The following ZMAT4 variants were observed in gnomAD, a reference collection of about 807,000 sequenced individuals.
The protein encoded by ZMAT4 is zinc finger matrin-type 4.
In ZMAT4, 17 loss-of-function variants were observed where a neutral mutation model predicts 28.7. That is an observed-to-expected ratio of 0.59 (90% CI 0.41 to 0.89). The LOEUF (loss-of-function observed/expected upper bound fraction) is 0.89. Ranked by LOEUF, ZMAT4 falls within the 40% of genes least tolerant of loss-of-function variation. The pLI is 0.00. For synonymous variants in ZMAT4, 117 were observed against 109.2 expected (o/e 1.07, Z -0.44); for missense variants, 240 against 283.8 (o/e 0.85, Z 1.11).
At chr8:40,833,930 T>C (rs1816383778) in intron 1 of ZMAT4, among the ~76,000 whole-genome samples, 1 of 152,196 alleles carries the variant, frequency 6.6e-6, no homozygotes, top group Non-Finnish European at 1.5e-5. Flanking sequence ...AGCTCTGCTT[T>C]CCAGCCTGAG....
intron 2 of ZMAT4, among the ~76,000 whole-genome samples, chr8:40,784,134 T>C: frequency 6.6e-6 from 1 of 152,230 alleles, no homozygotes; most frequent in Non-Finnish European, 1.5e-5. Flanking sequence ...GATCATTTTA[T>C]GAGGTTGATA....
chr8:40,653,836 A>G (rs76632208), intron 5 of ZMAT4, among the ~76,000 whole-genome samples: 9,232 of 152,250 alleles, frequency 0.061, 705 homozygotes, highest in East Asian at 0.44. Flanking sequence ...TACTATTTTA[A>G]GAAAAGTTAA....
intron 3 of ZMAT4, among the ~76,000 whole-genome samples, chr8:40,744,769 T>A (rs1388310703): frequency 2.0e-5 from 3 of 152,212 alleles, no homozygotes; most frequent in Non-Finnish European, 4.4e-5. Flanking sequence ...TTTTAGCTGG[T>A]CTCTTCTCTT....
chr8:40,630,995 A>G (rs1169947825), intron 5 of ZMAT4, among the ~76,000 whole-genome samples: 1 of 151,556 alleles, frequency 6.6e-6, no homozygotes, highest in African/African-American at 2.4e-5. Flanking sequence ...TTTTCATGGC[A>G]AGTGTTGAAA....
chr8:40,850,086 AC>A (rs1255771925), intron 1 of ZMAT4, among the ~76,000 whole-genome samples: 1 of 151,934 alleles, frequency 6.6e-6, no homozygotes, highest in Non-Finnish European at 1.5e-5. Context: ...CAGGCAGCAC[AC>A]CCAAGTCCTA....
intron 3 of ZMAT4, among the ~76,000 whole-genome samples, chr8:40,711,523 G>A (rs1010543816): frequency 1.3e-5 from 2 of 152,134 alleles, no homozygotes; most frequent in Non-Finnish European, 2.9e-5. Flanking sequence ...AAAGGACAGA[G>A]GAAAGTGTTG....
intron 5 of ZMAT4, among the ~76,000 whole-genome samples, chr8:40,586,430 A>G (rs565042783): frequency 3.7e-4 from 56 of 152,338 alleles, no homozygotes; most frequent in African/African-American, 1.3e-3. Flanking sequence ...CCAGTTGGAG[A>G]CAGAAAACAG....
chr8:40,740,601 T>C (rs1448976132), intron 3 of ZMAT4, among the ~76,000 whole-genome samples: 1 of 152,262 alleles, frequency 6.6e-6, no homozygotes, highest in African/African-American at 2.4e-5. Context: ...CAGAAACTGC[T>C]AGCATTACTG....
chr8:40,785,161 T>C (rs1586047175), intron 2 of ZMAT4, among the ~76,000 whole-genome samples: 1 of 152,234 alleles, frequency 6.6e-6, no homozygotes, highest in African/African-American at 2.4e-5. Context: ...ACTATGTATA[T>C]GTAAACAGAC....
intron 1 of ZMAT4, among the ~76,000 whole-genome samples, chr8:40,891,272 A>AGGGGGAAG (rs1818673754): frequency 1.0e-5 from 1 of 98,016 alleles, no homozygotes; most frequent in Non-Finnish European, 2.1e-5. Flanking sequence ...GGGAGGGGGA[A>AGGGGGAAG]GGGGAAATTG....
chr8:40,801,349 A>ATATATATATATATATATATATAT (rs1334146524), intron 2 of ZMAT4, among the ~76,000 whole-genome samples: 21 of 48,750 alleles, frequency 4.3e-4, no homozygotes, highest in African/African-American at 1.3e-3. Context: ...TTTAAAAAAA[A>ATATATATATATATATATATATAT]AAATATATAT....
intron 5 of ZMAT4, among the ~76,000 whole-genome samples, chr8:40,612,167 G>A (rs1229042151): frequency 1.3e-5 from 2 of 152,134 alleles, no homozygotes; most frequent in Non-Finnish European, 2.9e-5. Flanking sequence ...ATGTACATAA[G>A]GTACCCAGCA....
intron 3 of ZMAT4, among the ~76,000 whole-genome samples, chr8:40,735,474 C>A (rs1811723926): frequency 6.6e-6 from 1 of 152,132 alleles, no homozygotes; most frequent in African/African-American, 2.4e-5. Flanking sequence ...GAAAAACATA[C>A]TTACTTAGAA....
At chr8:40,647,066 G>T (rs577306053) in intron 5 of ZMAT4, among the ~76,000 whole-genome samples, 1 of 152,182 alleles carries the variant, frequency 6.6e-6, no homozygotes, top group Non-Finnish European at 1.5e-5. Flanking sequence ...AGTCTGGGGG[G>T]AGGAGCCAAG....
intron 4 of ZMAT4, among the ~76,000 whole-genome samples, chr8:40,686,456 C>T (rs1006649161): frequency 6.6e-6 from 1 of 151,824 alleles, no homozygotes; most frequent in Non-Finnish European, 1.5e-5. Context: ...CAGAGTGAGA[C>T]CCCTGTCTCA....
At chr8:40,681,891 A>T (rs922566219) in intron 4 of ZMAT4, among the ~76,000 whole-genome samples, 4 of 152,136 alleles carry the variant, frequency 2.6e-5, no homozygotes, top group African/African-American at 9.7e-5. Context: ...TAAAAAAAAA[A>T]GATATGTTTT....
chr8:40,582,001 TGA>T (rs1804480551), intron 5 of ZMAT4, among the ~76,000 whole-genome samples: 1 of 152,182 alleles, frequency 6.6e-6, no homozygotes, highest in African/African-American at 2.4e-5. Context: ...GCCGCAGAGC[TGA>T]GACCCATAAT....
At position 40,767,701 on chromosome 8, in the gene ZMAT4, C is replaced by T. The variant is rs1402227925; in HGVS notation, c.132G>A (p.Leu44=). 2 of 1,612,850 alleles carry T rather than the reference C, an allele frequency of 1.2e-6. No individual in the cohort carries two copies. Among genetic ancestry groups the T allele is most frequent in the African/African-American group, 1.3e-5 (1 of 74,860 alleles). The change falls in exon 3 of 7, where the codon CTG becomes CTA. Residue 44 remains leucine (L), a synonymous_variant. Coordinates refer to ENST00000297737, the MANE Select transcript of ZMAT4 (RefSeq NM_024645.3). ...ESRKHASKVR[L]YYMLHPRDGG... Reference sequence around the variant, plus strand: ...CATCCCTGGGGTGAAGCATGTAATACAGTCGGACTTTGCTTGCATGTTTTC... The same window carrying T: ...CATCCCTGGGGTGAAGCATGTAATATAGTCGGACTTTGCTTGCATGTTTTC...
chr8:40,825,955 C>T (rs994932514), intron 1 of ZMAT4, among the ~76,000 whole-genome samples: 15 of 152,174 alleles, frequency 9.9e-5, no homozygotes, highest in African/African-American at 3.6e-4. Context: ...ATATCTAATG[C>T]CTTGTCAAGA....
Sources: allele counts gnomAD v4.1 joint callset (sites outside exome capture counted in the v4.1 genomes callset), GRCh38; gene constraint gnomAD v4.1.1; transcripts MANE v1.5; gene names NCBI Gene and HGNC (gene_info 2026-07-23, HGNC 2026-07-21).